KLHL5: variants seen among roughly 807,000 people sequenced by gnomAD.
The protein encoded by KLHL5 is kelch like family member 5.
KLHL5 carries 48 observed loss-of-function variants against 77.7 expected under a neutral mutation model. The ratio of observed to expected loss-of-function variants is 0.62; its 90% CI spans 0.49 to 0.79. KLHL5 has a LOEUF of 0.79. Ranked by LOEUF, KLHL5 falls within the 30% of genes least tolerant of loss-of-function variation. The probability of loss-of-function intolerance (pLI) is 0.00; values close to 1 mark genes in which losing one functional copy is unlikely to be tolerated. For synonymous variants in KLHL5, 260 were observed against 297.0 expected, an observed-to-expected ratio of 0.88 and a Z score of 1.28; for missense variants, 723 against 859.7, an observed-to-expected ratio of 0.84 and a Z score of 1.99.
intron 1 of KLHL5, among the ~76,000 whole-genome samples, chr4:39,072,847 A>G (rs1191208373): frequency 6.6e-6 from 1 of 152,172 alleles, no homozygotes; most frequent in Admixed American, 6.6e-5. Context: ...ACAAAGTTAC[A>G]ATTAGGAGGA....
intron 1 of KLHL5, among the ~76,000 whole-genome samples, chr4:39,045,316 G>A (rs532334367): frequency 1.3e-5 from 2 of 150,692 alleles, no homozygotes; most frequent in African/African-American, 4.8e-5. Flanking sequence ...ACCCCGGCCC[G>A]GCCTCCCCGC....
At position 39,115,290 on chromosome 4, in the gene KLHL5, C is replaced by T. The variant is rs760676736; in HGVS notation, c.2033C>T (p.Thr678Ile). 16 of 1,613,952 alleles carry T rather than the reference C, an allele frequency of 9.9e-6. No individual in the cohort carries two copies. The highest frequency in any genetic ancestry group is 2.2e-5 in the East Asian group (1 of 44,862). ...TATGATGGACAGGCATACCTTAATA[C>T]TGTGGAGGCTTATGATCCCCAGACA... is the stretch of plus-strand genomic sequence containing the variant. ...GGYDGQAYLN[T>I]VEAYDPQTNE... Residue 678 changes from threonine to isoleucine, a missense_variant, in exon 10 of 11, where the codon ACT (threonine) becomes ATT (isoleucine). By Grantham distance (89) the Thr-to-Ile change is moderately conservative. Coordinates refer to ENST00000504108, the MANE Select transcript of KLHL5 (RefSeq NM_015990.5).
chr4:39,137,694 C>G, the KLHL5 span, among the ~76,000 whole-genome samples: 33 of 152,114 alleles, frequency 2.2e-4, no homozygotes, highest in Non-Finnish European at 4.0e-4. Context: ...ATGGAAAATA[C>G]AAGGTGAACC....
chr4:39,087,362 A>G (rs189053769), intron 5 of KLHL5, among the ~76,000 whole-genome samples: 6 of 152,266 alleles, frequency 3.9e-5, no homozygotes, highest in African/African-American at 1.4e-4. Context: ...TCTTTGCCAC[A>G]TGTTTATTAA....
At chr4:39,063,062 A>C in intron 1 of KLHL5, 27 bp downstream of exon 1, 1 of 1,572,338 alleles carries the variant, frequency 6.4e-7, no homozygotes, top group Non-Finnish European at 8.7e-7. Context: ...CTGTTAGAAA[A>C]GGGGTGTGGG....
At chr4:39,088,238 T>C (rs975358090) in intron 5 of KLHL5, among the ~76,000 whole-genome samples, 1 of 152,216 alleles carries the variant, frequency 6.6e-6, no homozygotes, top group African/African-American at 2.4e-5. Context: ...TGCATGACTC[T>C]CATAGACCTT....
At chr4:39,101,126 T>TATACATATATATATATATA (rs1553892884) in intron 6 of KLHL5, among the ~76,000 whole-genome samples, 6,586 of 134,492 alleles carry the variant, frequency 0.049, 320 homozygotes, top group African/African-American at 0.054. Flanking sequence ...TATTTGGATT[T>TATACATATATATATATATA]TATATATATA....
intron 1 of KLHL5, among the ~76,000 whole-genome samples, chr4:39,067,548 G>A (rs1441559677): frequency 2.0e-5 from 3 of 152,064 alleles, no homozygotes; most frequent in South Asian, 4.1e-4. Context: ...TTCAGCTGTA[G>A]CATATAGCTA....
chr4:39,059,631 C>G (rs190369845), upstream of KLHL5, among the ~76,000 whole-genome samples: 1 of 152,194 alleles, frequency 6.6e-6, no homozygotes, highest in East Asian at 1.9e-4. Flanking sequence ...GCATGTAATC[C>G]CAGCTACTCA....
At chr4:39,069,563 TATATAA>T (rs1718275538) in intron 1 of KLHL5, among the ~76,000 whole-genome samples, 1 of 80,368 alleles carries the variant, frequency 1.2e-5, no homozygotes, top group African/African-American at 4.6e-5. Flanking sequence ...TATATATATA[TATATAA>T]ACCATAGAGC....
In KLHL5 at chr4:39,080,754, T is replaced by C. The variant is rs538514215; in HGVS notation, c.567-349T>C. ...TATATTCACTACTTCTATAATTAAA[T>C]TTTTTTAAAAATGGCTTAGTTTATT... On this transcript the variant is annotated intron_variant, in intron 2 of 10. Transcript: ENST00000504108. Among the ~76,000 whole-genome samples, 313 of 152,192 alleles carry C rather than the reference T, an allele frequency of 2.1e-3. 1 individual carries two copies. The highest frequency in any genetic ancestry group is 1.7e-3 in the Non-Finnish European group (113 of 67,974).
intron 1 of KLHL5, among the ~76,000 whole-genome samples, chr4:39,074,153 C>T (rs934185125): frequency 2.6e-5 from 4 of 151,916 alleles, no homozygotes; most frequent in Admixed American, 1.3e-4. Context: ...GTCATTACAC[C>T]AGTAATATTC....
At chr4:39,093,456 G>C (rs1306854265) in intron 5 of KLHL5, 7 of 455,690 alleles carry the variant, frequency 1.5e-5, no homozygotes, top group Non-Finnish European at 2.6e-5. Context: ...ACAAATCATT[G>C]AATTGTGTAC....
chr4:39,065,107 A>T (rs1184739794), intron 1 of KLHL5, among the ~76,000 whole-genome samples: 2 of 152,216 alleles, frequency 1.3e-5, no homozygotes, highest in Non-Finnish European at 2.9e-5. Context: ...TAAGAAAAAA[A>T]CATTCAAGAT....
chr4:39,096,816 C>T lies in KLHL5; in HGVS notation c.1238C>T (p.Thr413Ile), dbSNP rs914423575. ...ERRPMLQSPR[T>I]KPRKSTVGTL... ...CGACCCATGTTACAAAGTCCTCGGA[C>T]AAAACCTAGGAAGTCAACTGTTGGT... is the stretch of plus-strand genomic sequence containing the variant. The change falls in exon 6 of 11, where the codon ACA becomes ATA. Residue 413 changes from threonine to isoleucine, a missense_variant. This residue lies in a region of KLHL5 where 288 missense variants were observed against 400.3 expected (regional missense o/e 0.72). Coordinates refer to ENST00000504108, the MANE Select transcript of KLHL5 (RefSeq NM_015990.5). The T allele has an allele frequency of 6.2e-7, 1 of 1,613,786 alleles. No homozygotes were observed. Among genetic ancestry groups the T allele is most frequent in the African/African-American group, 1.3e-5 (1 of 75,012 alleles).
chr4:39,136,433 T>G, the KLHL5 span, among the ~76,000 whole-genome samples: 3 of 152,216 alleles, frequency 2.0e-5, no homozygotes, highest in Admixed American at 1.3e-4. Context: ...GTGCTGCGAT[T>G]ATAGGCGTGA....
rs1379114041 is a variant in KLHL5 at position 39,063,024 on chromosome 4, C to T, written c.372C>T (p.Ser124=). 7.5e-6 allele frequency: 12 copies of T among 1,610,510 alleles called. No homozygotes were observed. The highest frequency in any genetic ancestry group is 1.0e-5 in the Non-Finnish European group (12 of 1,178,010). The part of the protein sequence containing the change: ...GTSEEENESD[S]SSCRTSNSSQ... ...GTGAAGAAGAAAATGAATCTGATTC[C>T]AGTTCATGCAGGTTGATTATTTTCT... Residue 124 remains serine, a synonymous_variant, in exon 1 of 11, where the codon TCC becomes TCT. Coordinates refer to ENST00000504108, the MANE Select transcript of KLHL5 (RefSeq NM_015990.5).
chr4:39,110,678 G>A (rs953951000), intron 8 of KLHL5, among the ~76,000 whole-genome samples: 3 of 152,058 alleles, frequency 2.0e-5, no homozygotes, highest in East Asian at 3.9e-4. Flanking sequence ...GTGCTGCCCA[G>A]GTTGGTCTCA....
At chr4:39,118,973 T>C (rs1420727735) in intron 10 of KLHL5, among the ~76,000 whole-genome samples, 1 of 152,118 alleles carries the variant, frequency 6.6e-6, no homozygotes, top group Non-Finnish European at 1.5e-5. Flanking sequence ...GCTACAAGAT[T>C]TCATTGGAAA....
Sources: allele counts gnomAD v4.1 joint callset (sites outside exome capture counted in the v4.1 genomes callset), GRCh38; gene constraint gnomAD v4.1.1; regional missense constraint gnomAD v4.1.1; transcripts MANE v1.5; gene names NCBI Gene and HGNC (gene_info 2026-07-23, HGNC 2026-07-21).